The following HTR2B variants were observed in gnomAD, a reference collection of about 807,000 sequenced individuals.
The protein encoded by HTR2B is 5-HT 2B receptor.
A neutral mutation model predicts 39.8 loss-of-function variants in HTR2B; 31 were observed. That is an observed-to-expected ratio of 0.78 (90% CI 0.58 to 1.05). The LOEUF (loss-of-function observed/expected upper bound fraction) is 1.05, where lower values mean the gene tolerates loss of function less well. Ranked by LOEUF, HTR2B falls within the 50% of genes least tolerant of loss-of-function variation. HTR2B has a pLI of 0.00. For synonymous variants in HTR2B, 210 were observed against 207.1 expected, an observed-to-expected ratio of 1.01 and a Z score of -0.12; for missense variants, 562 against 578.0, an observed-to-expected ratio of 0.97 and a Z score of 0.28.
chr2:231,121,740 A>T lies in HTR2B; in HGVS notation c.352+1673T>A, dbSNP rs145635903. Among the ~76,000 whole-genome samples, 133 of 152,308 alleles carry T rather than the reference A, an allele frequency of 8.7e-4. 1 individual carries two copies. The highest frequency in any genetic ancestry group is 3.0e-3 in the African/African-American group (123 of 41,580). ...TTAAGTATCTACCATGGTACTTTGC[A>T]TATAATAGATGTTTGATATTTATGG... is the stretch of plus-strand genomic sequence containing the variant. On this transcript the variant is annotated intron_variant, in intron 2 of 3. Coordinates refer to ENST00000258400, the MANE Select transcript of HTR2B (RefSeq NM_000867.5).
chr2:231,116,663 A>T (rs1467438236), intron 2 of HTR2B, among the ~76,000 whole-genome samples: 1 of 152,112 alleles, frequency 6.6e-6, no homozygotes, highest in Non-Finnish European at 1.5e-5. Context: ...GTGCTGATTT[A>T]AGTAACCCTA....
At chr2:231,121,094 C>T (rs919786618) in intron 2 of HTR2B, among the ~76,000 whole-genome samples, 6 of 152,064 alleles carry the variant, frequency 3.9e-5, no homozygotes, top group African/African-American at 1.4e-4. Context: ...TTGAATTATG[C>T]TTTAAATAAT....
intron 2 of HTR2B, among the ~76,000 whole-genome samples, chr2:231,119,810 C>G (rs550387742): frequency 7.6e-6 from 1 of 132,300 alleles, no homozygotes; most frequent in African/African-American, 2.9e-5. Context: ...GTGGAGGTTG[C>G]AGTGAACTGA....
chr2:231,114,386 C>G (rs554085245), intron 2 of HTR2B, among the ~76,000 whole-genome samples: 1 of 152,112 alleles, frequency 6.6e-6, no homozygotes, highest in African/African-American at 2.4e-5. Flanking sequence ...TCTGTGACAC[C>G]TGGGTTTTGG....
chr2:231,120,096 CGCGT>C (rs1695485586), intron 2 of HTR2B, among the ~76,000 whole-genome samples: 1 of 151,724 alleles, frequency 6.6e-6, no homozygotes, highest in South Asian at 2.1e-4. Context: ...GGACTACAGG[CGCGT>C]ACCACCATGC....
At chr2:231,112,595 C>T (rs1695189744) in intron 3 of HTR2B, among the ~76,000 whole-genome samples, 1 of 152,144 alleles carries the variant, frequency 6.6e-6, no homozygotes, top group Non-Finnish European at 1.5e-5. Context: ...TATTCCAGGT[C>T]TCTTAATTTT....
chr2:231,114,071 AG>A, intron 2 of HTR2B, 142 bp from the exon 3 acceptor site: 1 of 683,912 alleles, frequency 1.5e-6, no homozygotes, highest in Non-Finnish European at 2.6e-6. Context: ...GTTTAACTTC[AG>A]ATAATGGAGA....
In HTR2B at chr2:231,123,934, CA is replaced by C; in HGVS notation, c.-171del. The C allele has an allele frequency of 1.5e-6, 1 of 661,024 alleles. No individual in the cohort carries two copies. Among genetic ancestry groups the C allele is most frequent in the Non-Finnish European group, 2.7e-6 (1 of 365,024 alleles). The allele number at this position is 661,024 out of a possible 1,614,324, so 40.9% of individuals were successfully genotyped here. On this transcript the variant is annotated 5_prime_UTR_variant, in exon 2 of 4. An upstream open reading frame in the 5' UTR gains an earlier in-frame stop. Transcript: ENST00000258400. ...TCAAGTTCTCTAAAATGAGCGCATA[CA>C]CACATCTGTCCATGTTTGTAGGTAA... is the stretch of plus-strand genomic sequence containing the variant.
At chr2:231,121,831 G>A (rs374378478) in intron 2 of HTR2B, among the ~76,000 whole-genome samples, 19 of 152,152 alleles carry the variant, frequency 1.2e-4, no homozygotes, top group South Asian at 1.2e-3. Flanking sequence ...ATTGAATGAC[G>A]TATTAAATTT....
At position 231,109,056 on chromosome 2, in the gene HTR2B, G is replaced by T; in HGVS notation, c.907C>A (p.Arg303=). ...TTTTTCCCAATTGTGGATGTTCTTCGCATAAGTGTTTCATCACCTGAGTTG... is the reference window on the plus strand; with the variant it reads ...TTTTTCCCAATTGTGGATGTTCTTCTCATAAGTGTTTCATCACCTGAGTTG... ...LPNSGDETLM[R]RTSTIGKKSV... is the part of the protein sequence containing the mutation. The change falls in exon 4 of 4, where the codon CGA becomes AGA. Residue 303 remains arginine, a synonymous_variant. Coordinates refer to ENST00000258400, the MANE Select transcript of HTR2B (RefSeq NM_000867.5). The T allele has an allele frequency of 1.2e-6, 2 of 1,614,176 alleles. No individual in the cohort carries two copies. Among genetic ancestry groups the T allele is most frequent in the Non-Finnish European group, 1.7e-6 (2 of 1,180,022 alleles).
In HTR2B at chr2:231,123,667, C is replaced by T. The variant is rs1695633849; in HGVS notation, c.98G>A (p.Gly33Glu). The change falls in exon 2 of 4, where the codon GGA becomes GAA. Residue 33 changes from glycine (G) to glutamate (E), a missense_variant. Coordinates refer to ENST00000258400, the MANE Select transcript of HTR2B (RefSeq NM_000867.5). ...FVHVISSNWS[G>E]LQTESIPEEM... ...CTCTGGTATTGATTCTGTCTGTAAT[C>T]CAGACCAGTTAGAAGAGATAACGTG... 5 of 1,613,884 alleles carry T rather than the reference C, an allele frequency of 3.1e-6. No individual in the cohort carries two copies. Among genetic ancestry groups the T allele is most frequent in the African/African-American group, 2.7e-5 (2 of 75,014 alleles).
At chr2:231,111,096 A>G (rs1263945382) in intron 3 of HTR2B, among the ~76,000 whole-genome samples, 1 of 152,166 alleles carries the variant, frequency 6.6e-6, no homozygotes, top group African/African-American at 2.4e-5. Flanking sequence ...AGTACCTGCT[A>G]TAGTCTTCTC....
chr2:231,123,835 T>G lies in HTR2B; in HGVS notation c.-71A>C, dbSNP rs1420208591. On this transcript the variant is annotated 5_prime_UTR_variant, in exon 2 of 4. Transcript: ENST00000258400. ...ATGGTTAGTAGCTAAGCTGCTCATCTGTTTTTTTAAGGCATTGTAACCATG... is the reference window on the plus strand; with the variant it reads ...ATGGTTAGTAGCTAAGCTGCTCATCGGTTTTTTTAAGGCATTGTAACCATG... The G allele has an allele frequency of 1.4e-5, 17 of 1,216,902 alleles. No individual in the cohort carries two copies. Among genetic ancestry groups the G allele is most frequent in the Non-Finnish European group, 1.9e-5 (16 of 820,606 alleles). 75.4% of individuals were successfully genotyped at this position (1,216,902 alleles called of 1,614,324 possible). A position where few individuals can be genotyped will look rare whatever the true frequency, so the allele number is the denominator to read the frequency against.
At chr2:231,117,904 T>C (rs1695398530) in intron 2 of HTR2B, among the ~76,000 whole-genome samples, 1 of 152,124 alleles carries the variant, frequency 6.6e-6, no homozygotes, top group African/African-American at 2.4e-5. Flanking sequence ...AACAGTTACA[T>C]GGGGTTATTT....
At chr2:231,120,979 G>A (rs1695520988) in intron 2 of HTR2B, among the ~76,000 whole-genome samples, 1 of 152,180 alleles carries the variant, frequency 6.6e-6, no homozygotes, top group Non-Finnish European at 1.5e-5. Flanking sequence ...GGTATTTGAA[G>A]TCAGGTTTCC....
intron 2 of HTR2B, among the ~76,000 whole-genome samples, chr2:231,114,737 G>C (rs547079349): frequency 3.3e-5 from 5 of 152,160 alleles, no homozygotes; most frequent in African/African-American, 9.6e-5. Flanking sequence ...AAAATTTTAG[G>C]TGTGGATGTG....
At chr2:231,109,932 A>C (rs1005210713) in intron 3 of HTR2B, among the ~76,000 whole-genome samples, 11 of 152,194 alleles carry the variant, frequency 7.2e-5, no homozygotes, top group Admixed American at 3.9e-4. Flanking sequence ...CTAACTTCTT[A>C]GGGAAAACTA....
At chr2:231,109,654 A>G (rs144261104) in intron 3 of HTR2B, among the ~76,000 whole-genome samples, 1 of 152,184 alleles carries the variant, frequency 6.6e-6, no homozygotes, top group Non-Finnish European at 1.5e-5. Flanking sequence ...AGCTCCCCTA[A>G]AGCTATAGTA....
chr2:231,113,453 G>C (rs2125213640), intron 3 of HTR2B, among the ~76,000 whole-genome samples: 1 of 152,298 alleles, frequency 6.6e-6, no homozygotes, highest in African/African-American at 2.4e-5. Context: ...TAACCTTTCT[G>C]CATATAGAAA....
Sources: allele counts gnomAD v4.1 joint callset (sites outside exome capture counted in the v4.1 genomes callset), GRCh38; gene constraint gnomAD v4.1.1; transcripts MANE v1.5; gene names NCBI Gene and HGNC (gene_info 2026-07-23, HGNC 2026-07-21).